STX3: variants seen among roughly 807,000 people sequenced by gnomAD.
STX3 encodes the protein syntaxin-3.
In STX3, 19 loss-of-function variants were observed where a neutral mutation model predicts 40.2. That is an observed-to-expected ratio of 0.47 (90% CI 0.33 to 0.69). The LOEUF (loss-of-function observed/expected upper bound fraction) is 0.69. Among genes scored for constraint, STX3 ranks in the 30% least tolerant of loss-of-function variants. The pLI is 0.02. For missense variants in STX3, 364 were observed against 366.7 expected (o/e 0.99, Z 0.06); for synonymous variants, 122 against 132.2 (o/e 0.92, Z 0.53).
intron 2 of STX3, chr11:59,781,550 C>G (rs1864383037): frequency 6.2e-7 from 1 of 1,613,724 alleles, no homozygotes; most frequent in South Asian, 1.1e-5. Flanking sequence ...TCAAAGTGCT[C>G]TCAGTTTTTA....
chr11:59,763,784 G>A (rs1344859806), intron 1 of STX3, among the ~76,000 whole-genome samples: 2 of 152,222 alleles, frequency 1.3e-5, no homozygotes, highest in African/African-American at 2.4e-5. Flanking sequence ...TTGGGAGGCC[G>A]AGGCAGGTGG....
At chr11:59,799,637 G>C in intron 10 of STX3, 1 of 985,328 alleles carries the variant, frequency 1.0e-6, no homozygotes, top group South Asian at 4.7e-5. Flanking sequence ...TACCATGCCA[G>C]TACCCAGAGC....
At chr11:59,762,946 T>C (rs1334990749) in intron 1 of STX3, among the ~76,000 whole-genome samples, 2 of 152,166 alleles carry the variant, frequency 1.3e-5, no homozygotes, top group Non-Finnish European at 2.9e-5. Flanking sequence ...TCTGCCAACA[T>C]TCTCTAATAA....
At chr11:59,767,291 G>A (rs565393335) in intron 1 of STX3, among the ~76,000 whole-genome samples, 1 of 152,308 alleles carries the variant, frequency 6.6e-6, no homozygotes, top group Non-Finnish European at 1.5e-5. Flanking sequence ...CTGGAGGTTG[G>A]GGAGGGGAGG....
At chr11:59,778,815 G>GTTT (rs1864159959) in intron 2 of STX3, among the ~76,000 whole-genome samples, 1 of 143,024 alleles carries the variant, frequency 7.0e-6, no homozygotes, top group East Asian at 2.1e-4. Context: ...AAGGATGAAA[G>GTTT]TTTTCTTTTC....
upstream of STX3, chr11:59,754,631 C>T (rs1353526248): frequency 6.6e-6 from 1 of 152,198 alleles, no homozygotes; most frequent in Non-Finnish European, 1.5e-5. Flanking sequence ...GTGCAAAGTT[C>T]TGTATTTTAA....
chr11:59,792,036 G>T, intron 5 of STX3, 71 bp from the exon 6 acceptor site: 5 of 1,202,106 alleles, frequency 4.2e-6, no homozygotes, highest in Non-Finnish European at 4.9e-6. Flanking sequence ...ATGGCTATGT[G>T]GGGGTGGGGA....
At chr11:59,791,965 A>G in intron 5 of STX3, 142 bp from the exon 6 acceptor site, 1 of 711,980 alleles carries the variant, frequency 1.4e-6, no homozygotes, top group Non-Finnish European at 2.5e-6. Flanking sequence ...GCACAAAGCT[A>G]GGAAACAAAA....
At chr11:59,795,330 C>T in intron 8 of STX3, 42 bp from the exon 9 acceptor site, 1 of 1,543,094 alleles carries the variant, frequency 6.5e-7, no homozygotes, top group Non-Finnish European at 8.9e-7. Context: ...TAGGACTGAC[C>T]TGAGACGTTT....
At chr11:59,783,719 A>G (rs1217834930) in intron 2 of STX3, among the ~76,000 whole-genome samples, 1 of 152,210 alleles carries the variant, frequency 6.6e-6, no homozygotes, top group African/African-American at 2.4e-5. Flanking sequence ...ATTTCACACC[A>G]TTAAATACTC....
intron 1 of STX3, among the ~76,000 whole-genome samples, chr11:59,763,865 A>G (rs1262970013): frequency 6.6e-6 from 1 of 152,154 alleles, no homozygotes; most frequent in Non-Finnish European, 1.5e-5. Context: ...CTAAAAATAC[A>G]AAATTAGCAG....
At position 59,795,784 on chromosome 11, in the gene STX3, A is replaced by T. The variant is rs566451290; in HGVS notation, c.786+302A>T. On this transcript the variant is annotated intron_variant, in intron 9 of 10. Transcript: ENST00000337979. Reference sequence around the variant, plus strand: ...GTATCTCTTCTCCCTGGCCACCCCTACCTGTGTTCTTGAGCCCATGCCTCC... The same window carrying T: ...GTATCTCTTCTCCCTGGCCACCCCTTCCTGTGTTCTTGAGCCCATGCCTCC... 7.8e-5 allele frequency: 105 copies of T among 1,352,040 alleles called. No homozygotes were observed. In the African/African-American group the frequency reaches 1.5e-3, roughly 19 times the overall value. 83.8% of individuals were successfully genotyped at this position (1,352,040 alleles called of 1,614,324 possible).
At chr11:59,770,202 A>G (rs1863524108) in intron 1 of STX3, among the ~76,000 whole-genome samples, 1 of 147,614 alleles carries the variant, frequency 6.8e-6, no homozygotes, top group South Asian at 2.1e-4. Flanking sequence ...TATGAAAGGT[A>G]TATGAAGAGG....
chr11:59,776,681 G>A (rs1331750466), intron 2 of STX3, among the ~76,000 whole-genome samples: 1 of 152,198 alleles, frequency 6.6e-6, no homozygotes, highest in Non-Finnish European at 1.5e-5. Flanking sequence ...TAGTCATAGA[G>A]GTATTTGCAA....
At position 59,802,605 on chromosome 11, in the gene STX3, C is replaced by T. The variant is rs1160085994; in HGVS notation, c.*1781C>T. The T allele has an allele frequency of 5.1e-6, 5 of 985,740 alleles. No individual in the cohort carries two copies. Among genetic ancestry groups the T allele is most frequent in the Non-Finnish European group, 6.0e-6 (5 of 829,930 alleles). The allele number at this position is 985,740 out of a possible 1,614,324, so 61.1% of individuals were successfully genotyped here. A position where few individuals can be genotyped will look rare whatever the true frequency, so the allele number is the denominator to read the frequency against. ...GGCCTGGGGCTTACAGTTTGGAATA[C>T]AACATGTGAAGGTTTTTGTTGTTGT... On this transcript the variant is annotated 3_prime_UTR_variant, in exon 11 of 11. Coordinates refer to ENST00000337979, the MANE Select transcript of STX3 (RefSeq NM_004177.5).
In STX3 at chr11:59,804,965, A is replaced by C. The variant is rs1866023132; in HGVS notation, c.*4141A>C. 1 of 152,214 alleles carries C rather than the reference A, an allele frequency of 6.6e-6. No homozygotes were observed. Among genetic ancestry groups the C allele is most frequent in the African/African-American group, 2.4e-5 (1 of 41,436 alleles). The allele number at this position is 152,214 out of a possible 1,614,324, so 9.4% of individuals were successfully genotyped here. A position where few individuals can be genotyped will look rare whatever the true frequency, so the allele number is the denominator to read the frequency against. On this transcript the variant is annotated 3_prime_UTR_variant, in exon 11 of 11. Coordinates refer to ENST00000337979, the MANE Select transcript of STX3 (RefSeq NM_004177.5). ...GTAATCACAGCACTTTGGGAGGCCA[A>C]GGCAGGTGGATCACCAGACTGACCA...
At position 59,792,206 on chromosome 11, in the gene STX3, C is replaced by A. The variant is rs1338289606; in HGVS notation, c.457C>A (p.Leu153Ile). Residue 153 changes from leucine (L) to isoleucine (I), a missense_variant, in exon 6 of 11, where the codon CTC becomes ATC. By Grantham distance (5) the Leu-to-Ile change is conservative. Coordinates refer to ENST00000337979, the MANE Select transcript of STX3 (RefSeq NM_004177.5). ...ERSKGRIQRQ[L>I]EITGKKTTDE... ...CAGCAAAGGGCGAATCCAGCGGCAG[C>A]TCGAAATTAGTATGTACTTGAGGTT... is the stretch of plus-strand genomic sequence containing the variant. 6.2e-7 allele frequency: 1 copy of A among 1,613,786 alleles called. No individual in the cohort carries two copies. Among genetic ancestry groups the A allele is most frequent in the Admixed American group, 1.7e-5 (1 of 60,012 alleles).
intron 1 of STX3, among the ~76,000 whole-genome samples, chr11:59,767,126 A>G (rs1238507807): frequency 6.6e-6 from 1 of 152,076 alleles, no homozygotes; most frequent in African/African-American, 2.4e-5. Context: ...AACTCTTTCT[A>G]CTTTCTGTCC....
rs563256153 is a variant in STX3, at chr11:59,783,318, G to A, written c.115-3719G>A. Among the ~76,000 whole-genome samples the A allele has an allele frequency of 8.1e-4, 123 of 152,264 alleles. 1 individual carries two copies. The South Asian group carries it at 0.025, about 31-fold the overall frequency. On this transcript the variant is annotated intron_variant, in intron 2 of 10. Coordinates refer to ENST00000337979, the MANE Select transcript of STX3 (RefSeq NM_004177.5). ...GGAGCCTTCCTTAGGCGTTTACCTG[G>A]TTCAGGAGACAGGATTTAGTATTCC... is the stretch of plus-strand genomic sequence containing the variant.
Sources: gnomAD v4.1 joint callset for allele counts (sites outside exome capture counted in the v4.1 genomes callset) on GRCh38, gnomAD v4.1.1 for gene constraint, MANE v1.5 for transcripts, NCBI Gene and HGNC (gene_info 2026-07-23, HGNC 2026-07-21) for gene names.